The following GAS7 variants were observed in gnomAD, a reference collection of about 807,000 sequenced individuals.
GAS7 encodes the protein growth arrest specific 7.
A neutral mutation model predicts 71.1 loss-of-function variants in GAS7; 28 were observed. That is an observed-to-expected ratio of 0.39 (90% CI 0.29 to 0.54). The LOEUF (loss-of-function observed/expected upper bound fraction) is 0.54. GAS7 is among the 20% of genes least tolerant of loss of function. The pLI is 0.62. For missense variants in GAS7, 436 were observed against 627.8 expected, an observed-to-expected ratio of 0.69 and a Z score of 3.27; for synonymous variants, 258 against 245.8, an observed-to-expected ratio of 1.05 and a Z score of -0.46.
rs1239600424 is a variant in GAS7 at position 9,959,331 on chromosome 17, GAGGGTGGAGGCGCTGGGGAATC to G, written c.472-98_472-77del. On this transcript the variant is annotated intron_variant, in intron 4 of 13. Coordinates refer to ENST00000432992, the MANE Select transcript of GAS7 (RefSeq NM_201433.2). The surrounding 1 kb of genome is among the most constrained non-coding windows in gnomAD (Gnocchi z 5.0). Reference sequence around the variant, plus strand: ...TTTTTTCCCCCCATTCAGGTTCCCTGAGGGTGGAGGCGCTGGGGAATCAGGGATGCTCAGTCTGAATCCTAAG... The same window carrying G: ...TTTTTTCCCCCCATTCAGGTTCCCTGAGGGATGCTCAGTCTGAATCCTAAG... 6.2e-7 allele frequency: 1 copy of G among 1,605,274 alleles called. No individual in the cohort carries two copies. The highest frequency in any genetic ancestry group is 8.5e-7 in the Non-Finnish European group (1 of 1,175,438).
intron 3 of GAS7, among the ~76,000 whole-genome samples, chr17:9,977,021 C>T (rs902720053): frequency 6.6e-6 from 1 of 152,164 alleles, no homozygotes; most frequent in Non-Finnish European, 1.5e-5. Context: ...AAACTCATGA[C>T]ATCTGAATAA....
rs1406195616 is a variant in GAS7 at position 9,969,105 on chromosome 17, C to T, written c.471+572G>A. Among the ~76,000 whole-genome samples, 11 of 152,174 alleles carry T rather than the reference C, an allele frequency of 7.2e-5. No individual in the cohort carries two copies. The highest frequency in any genetic ancestry group is 2.1e-4 in the South Asian group (1 of 4,828). On this transcript the variant is annotated intron_variant, in intron 4 of 13. Transcript: ENST00000432992. This position sits in a 1 kb window ranked among gnomAD's most constrained non-coding sequence, Gnocchi z 5.5. ...CAGGTCACAAAACCAGTTGGAGCCTCGGTGACCTCATGCATACCTTGAGTT... is the reference window on the plus strand; with the variant it reads ...CAGGTCACAAAACCAGTTGGAGCCTTGGTGACCTCATGCATACCTTGAGTT...
chr17:10,005,247 A>G (rs533700208), intron 2 of GAS7, among the ~76,000 whole-genome samples: 35,561 of 149,868 alleles, frequency 0.24, 6,629 homozygotes, highest in African/African-American at 0.53. Flanking sequence ...GCGCGCATGC[A>G]TGTGTGTGCA....
At chr17:9,931,866 T>A (rs186274228) in intron 9 of GAS7, among the ~76,000 whole-genome samples, 1 of 152,268 alleles carries the variant, frequency 6.6e-6, no homozygotes, top group Admixed American at 6.5e-5. Flanking sequence ...CGTGTCTCAG[T>A]CATCTGAGTC....
chr17:10,030,609 T>C (rs2072593677), intron 1 of GAS7, among the ~76,000 whole-genome samples: 1 of 152,242 alleles, frequency 6.6e-6, no homozygotes, highest in African/African-American at 2.4e-5. Context: ...GTCCTCTGTG[T>C]GTCACCTCAA....
At chr17:10,116,317 A>G (rs952591491) in intron 1 of GAS7, among the ~76,000 whole-genome samples, 3 of 149,386 alleles carry the variant, frequency 2.0e-5, no homozygotes, top group African/African-American at 4.9e-5. Context: ...CTTGCCTCAA[A>G]AAAAAAAAAA....
At chr17:9,975,968 C>T (rs1813531363) in intron 3 of GAS7, among the ~76,000 whole-genome samples, 2 of 144,848 alleles carry the variant, frequency 1.4e-5, no homozygotes, top group Non-Finnish European at 3.1e-5. Flanking sequence ...ATTACAGCCT[C>T]CTTCCTCCCA....
intron 1 of GAS7, among the ~76,000 whole-genome samples, chr17:10,124,737 G>A (rs1411385016): frequency 2.0e-5 from 3 of 152,124 alleles, no homozygotes; most frequent in Non-Finnish European, 2.9e-5. Context: ...GGCCAACATG[G>A]TGAAACCCTG....
chr17:10,174,159 C>T (rs979872031), intron 1 of GAS7, among the ~76,000 whole-genome samples: 2 of 152,174 alleles, frequency 1.3e-5, no homozygotes, highest in Non-Finnish European at 2.9e-5. Context: ...AGGGTGACAA[C>T]GTTCAAACTC....
intron 9 of GAS7, among the ~76,000 whole-genome samples, chr17:9,933,290 C>A (rs1452171058): frequency 6.6e-6 from 1 of 152,156 alleles, no homozygotes; most frequent in African/African-American, 2.4e-5. Flanking sequence ...CTCCCTTTGG[C>A]ATAACCTAAT....
intron 1 of GAS7, among the ~76,000 whole-genome samples, chr17:10,112,759 A>AAAAAAGAAAG (rs149640007): frequency 1.4e-5 from 2 of 144,674 alleles, no homozygotes; most frequent in African/African-American, 5.2e-5. Context: ...CAAAGAAAAG[A>AAAAAAGAAAG]AAAAAGAAAG....
intron 1 of GAS7, among the ~76,000 whole-genome samples, chr17:10,114,187 T>TA (rs776900894): frequency 3.3e-5 from 5 of 152,066 alleles, no homozygotes; most frequent in Non-Finnish European, 7.4e-5. Flanking sequence ...CTCAGCCTCT[T>TA]AAAGTGCTGA....
At chr17:9,944,676 A>G (rs1319952483) in intron 6 of GAS7, among the ~76,000 whole-genome samples, 3 of 152,178 alleles carry the variant, frequency 2.0e-5, no homozygotes, top group African/African-American at 7.2e-5. Context: ...CGCTGCTAAC[A>G]TCCCTGATGA....
chr17:9,970,802 G>A (rs939284062), intron 3 of GAS7, among the ~76,000 whole-genome samples: 27 of 152,136 alleles, frequency 1.8e-4, no homozygotes, highest in African/African-American at 6.0e-4. Flanking sequence ...GTCGATTTCT[G>A]TGCCAAAGAC....
intron 3 of GAS7, among the ~76,000 whole-genome samples, chr17:9,973,074 G>T (rs1323808322): frequency 6.6e-6 from 1 of 152,130 alleles, no homozygotes; most frequent in Non-Finnish European, 1.5e-5. Flanking sequence ...TAGAAAAGTG[G>T]TAACAGAAAT....
At chr17:9,955,651 C>T (rs768020948) in intron 5 of GAS7, among the ~76,000 whole-genome samples, 4 of 152,188 alleles carry the variant, frequency 2.6e-5, no homozygotes, top group Non-Finnish European at 4.4e-5. Context: ...GTCACACTAC[C>T]TTTCCAACAC....
Position 9,974,322 on chromosome 17 carries a change from C to G in GAS7, c.386-4560G>C, listed in dbSNP as rs1335883032. Among the ~76,000 whole-genome samples, 1 of 152,050 alleles carries G rather than the reference C, an allele frequency of 6.6e-6. No homozygotes were observed. The highest frequency in any genetic ancestry group is 1.5e-5 in the Non-Finnish European group (1 of 67,978). On this transcript the variant is annotated intron_variant, in intron 3 of 13. Transcript: ENST00000432992. This position sits in a 1 kb window ranked among gnomAD's most constrained non-coding sequence, Gnocchi z 4.0. ...CTAGACAGTTATAGCCCACAAGATC[C>G]TGGCAACCCTCACCCACGGCATTCC...
chr17:9,998,399 G>C (rs1358658851), intron 2 of GAS7, among the ~76,000 whole-genome samples: 1 of 152,192 alleles, frequency 6.6e-6, no homozygotes. Flanking sequence ...ACAGGACTTG[G>C]GGTGGTCCTC....
intron 1 of GAS7, among the ~76,000 whole-genome samples, chr17:10,188,986 C>T (rs1159290715): frequency 2.0e-5 from 3 of 152,152 alleles, no homozygotes; most frequent in African/African-American, 7.2e-5. Flanking sequence ...GTTCCTTGCC[C>T]ATTCTTATAC....
Sources: gnomAD v4.1 joint callset for allele counts (sites outside exome capture counted in the v4.1 genomes callset) on GRCh38, gnomAD v4.1.1 for gene constraint, Gnocchi (gnomAD v3.1) non-coding constraint, MANE v1.5 for transcripts, NCBI Gene and HGNC (gene_info 2026-07-23, HGNC 2026-07-21) for gene names.